SLC23A2: variants seen among roughly 807,000 people sequenced by gnomAD.
SLC23A2 encodes the protein Na(+)/L-ascorbic acid transporter 2.
SLC23A2 carries 36 observed loss-of-function variants against 73.3 expected under a neutral mutation model. That is an observed-to-expected ratio of 0.49 (90% CI 0.38 to 0.65). The LOEUF (loss-of-function observed/expected upper bound fraction) is 0.65, where lower values mean the gene tolerates loss of function less well. Among genes scored for constraint, SLC23A2 ranks in the 30% least tolerant of loss-of-function variants. The probability of loss-of-function intolerance (pLI) is 0.00; values close to 1 mark genes in which losing one functional copy is unlikely to be tolerated. For synonymous variants in SLC23A2, 343 were observed against 327.3 expected, an observed-to-expected ratio of 1.05 and a Z score of -0.52; for missense variants, 507 against 841.6, an observed-to-expected ratio of 0.60 and a Z score of 4.92.
intron 4 of SLC23A2, among the ~76,000 whole-genome samples, chr20:4,903,370 T>A (rs889765480): frequency 6.6e-6 from 1 of 152,096 alleles, no homozygotes; most frequent in Non-Finnish European, 1.5e-5. Context: ...TAGCCCCGAG[T>A]TCCCCAGGAG....
intron 10 of SLC23A2, among the ~76,000 whole-genome samples, chr20:4,874,359 A>G (rs544427344): frequency 2.4e-4 from 36 of 152,346 alleles, no homozygotes; most frequent in Admixed American, 9.1e-4. Flanking sequence ...TCCCAAGGAC[A>G]GTGTCCCCTT....
intron 6 of SLC23A2, among the ~76,000 whole-genome samples, chr20:4,887,859 C>G (rs1931166868): frequency 1.3e-5 from 2 of 152,194 alleles, no homozygotes; most frequent in African/African-American, 2.4e-5. Context: ...CTGAAACGTT[C>G]TTAGGGAAAG....
At chr20:4,999,555 TA>T (rs1194326230) in intron 1 of SLC23A2, among the ~76,000 whole-genome samples, 1 of 124,694 alleles carries the variant, frequency 8.0e-6, no homozygotes, top group South Asian at 2.6e-4. Context: ...CATACTCAGC[TA>T]TTTTTTTTTT....
At chr20:4,896,266 G>A (rs369477966) in intron 6 of SLC23A2, among the ~76,000 whole-genome samples, 1 of 152,308 alleles carries the variant, frequency 6.6e-6, no homozygotes, top group East Asian at 1.9e-4. Context: ...GCCCCCAAGT[G>A]TGCTAAGGAC....
Position 4,863,836 on chromosome 20 carries a change from G to C in SLC23A2, c.1357-929C>G, listed in dbSNP as rs1020932276. On this transcript the variant is annotated intron_variant, in intron 13 of 16. Coordinates refer to ENST00000338244, the MANE Select transcript of SLC23A2 (RefSeq NM_005116.6). This position sits in a 1 kb window ranked among gnomAD's most constrained non-coding sequence, Gnocchi z 4.8. ...CATCACCCAAATGCTCCTCTGAAAA[G>C]CATCCCAACTCCAGGACTATTCCCC... 2.6e-5 allele frequency among the ~76,000 whole-genome samples: 4 copies of C among 152,226 alleles called. No homozygotes were observed. Among genetic ancestry groups the C allele is most frequent in the African/African-American group, 9.6e-5 (4 of 41,544 alleles).
At chr20:4,952,103 C>CAAAAAAA (rs57832305) in intron 2 of SLC23A2, among the ~76,000 whole-genome samples, 94 of 40,418 alleles carry the variant, frequency 2.3e-3, no homozygotes, top group African/African-American at 2.7e-3. Context: ...GACTCTGACT[C>CAAAAAAA]AAAAAAAAAA....
intron 1 of SLC23A2, among the ~76,000 whole-genome samples, chr20:4,974,864 T>C (rs1486556505): frequency 1.3e-5 from 2 of 152,216 alleles, no homozygotes; most frequent in Admixed American, 1.3e-4. Flanking sequence ...CTCAGCTCAC[T>C]GCAACCTCCG....
chr20:4,979,950 G>A (rs78629244), intron 1 of SLC23A2, among the ~76,000 whole-genome samples: 2,694 of 151,962 alleles, frequency 0.018, 68 homozygotes, highest in African/African-American at 0.054. Flanking sequence ...CACCAGGAAA[G>A]AGAGACAGAT....
intron 1 of SLC23A2, among the ~76,000 whole-genome samples, chr20:4,996,325 A>G (rs900509751): frequency 5.9e-5 from 9 of 152,126 alleles, no homozygotes; most frequent in African/African-American, 1.9e-4. Flanking sequence ...CAGGTGCTCA[A>G]TGAGATGATG....
At chr20:4,887,203 G>A (rs1419010141) in intron 6 of SLC23A2, among the ~76,000 whole-genome samples, 1 of 152,194 alleles carries the variant, frequency 6.6e-6, no homozygotes, top group Admixed American at 6.5e-5. Flanking sequence ...ATAATTACCT[G>A]CCAGAGGGGC....
chr20:4,884,057 C>T (rs1163265532), intron 8 of SLC23A2, among the ~76,000 whole-genome samples: 1 of 152,176 alleles, frequency 6.6e-6, no homozygotes, highest in African/African-American at 2.4e-5. Flanking sequence ...GGACACACGG[C>T]CCACATGCCT....
intron 5 of SLC23A2, among the ~76,000 whole-genome samples, chr20:4,900,168 A>G (rs542614667): frequency 5.5e-4 from 84 of 152,346 alleles, no homozygotes; most frequent in African/African-American, 1.9e-3. Flanking sequence ...CACCACGCCC[A>G]GCTGCATTTC....
intron 2 of SLC23A2, among the ~76,000 whole-genome samples, chr20:4,967,857 G>T (rs548148673): frequency 2.0e-4 from 30 of 152,314 alleles, no homozygotes; most frequent in African/African-American, 7.2e-4. Context: ...GCACCAAGCA[G>T]AATGGGTGTT....
chr20:4,917,057 T>A (rs539790614), intron 3 of SLC23A2, among the ~76,000 whole-genome samples: 1 of 152,296 alleles, frequency 6.6e-6, no homozygotes, highest in Non-Finnish European at 1.5e-5. Flanking sequence ...CAAATTGTGG[T>A]TGTATCCCAG....
At chr20:4,943,089 T>G (rs535458236) in intron 2 of SLC23A2, among the ~76,000 whole-genome samples, 1 of 127,732 alleles carries the variant, frequency 7.8e-6, no homozygotes, top group South Asian at 2.5e-4. Context: ...TATTCCCAGC[T>G]CCTAGTACAG....
At chr20:4,939,079 A>C (rs2122958367) in intron 2 of SLC23A2, among the ~76,000 whole-genome samples, 2 of 151,632 alleles carry the variant, frequency 1.3e-5, no homozygotes, top group Middle Eastern at 6.8e-3. Context: ...CCATCTGTAC[A>C]AAAAAAAATT....
At chr20:4,959,643 G>A (rs60309515) in intron 2 of SLC23A2, among the ~76,000 whole-genome samples, 1 of 152,030 alleles carries the variant, frequency 6.6e-6, no homozygotes, top group East Asian at 1.9e-4. Context: ...GACTATAGGT[G>A]TGCGCTACCA....
intron 1 of SLC23A2, among the ~76,000 whole-genome samples, chr20:4,978,405 T>A (rs2087676910): frequency 6.6e-6 from 1 of 152,164 alleles, no homozygotes; most frequent in African/African-American, 2.4e-5. Context: ...CACGATTAGA[T>A]AATAACCAGA....
At chr20:4,983,920 C>A (rs1283881582) in intron 1 of SLC23A2, among the ~76,000 whole-genome samples, 1 of 151,254 alleles carries the variant, frequency 6.6e-6, no homozygotes, top group Non-Finnish European at 1.5e-5. Flanking sequence ...CGCGCCATTG[C>A]ACTCCAGCCT....
Sources: allele counts gnomAD v4.1 joint callset (sites outside exome capture counted in the v4.1 genomes callset), GRCh38; gene constraint gnomAD v4.1.1; non-coding constraint Gnocchi (gnomAD v3.1); transcripts MANE v1.5; gene names NCBI Gene and HGNC (gene_info 2026-07-23, HGNC 2026-07-21).